Variants in ANKRD11 observed in about 807,000 individuals in gnomAD.
ANKRD11 encodes the protein ankyrin repeat domain 11, also known as ankyrin repeat domain-containing protein 11.
A neutral mutation model predicts 195.7 loss-of-function variants in ANKRD11; 17 were observed. The observed-to-expected ratio is 0.09, with a 90% CI of 0.06 to 0.13. The LOEUF (loss-of-function observed/expected upper bound fraction) is 0.13, where lower values mean the gene tolerates loss of function less well. ANKRD11 is among the 10% of genes least tolerant of loss of function. The probability of loss-of-function intolerance (pLI) is 1.00; values close to 1 mark genes in which losing one functional copy is unlikely to be tolerated. For synonymous variants in ANKRD11, 1,953 were observed against 1,528.1 expected (o/e 1.28, Z -6.49); for missense variants, 3,735 against 3,566.1 (o/e 1.05, Z -1.21).
intron 1 of ANKRD11, among the ~76,000 whole-genome samples, chr16:89,482,187 A>T (rs1442020622): frequency 6.6e-6 from 1 of 152,202 alleles, no homozygotes; most frequent in East Asian, 1.9e-4. Flanking sequence ...TAAAACATGT[A>T]GCTCCTTCCA....
At chr16:89,324,480 A>T (rs541964466) in intron 2 of ANKRD11, 2 of 456,650 alleles carry the variant, frequency 4.4e-6, no homozygotes, top group Non-Finnish European at 8.8e-6. Flanking sequence ...GGACTAAAGG[A>T]TGTGTAACTG....
Position 89,418,066 on chromosome 16 carries a change from C to G in ANKRD11, c.-60+218G>C, listed in dbSNP as rs139760674. On this transcript the variant is annotated intron_variant, in intron 2 of 12. Coordinates refer to ENST00000301030, the MANE Select transcript of ANKRD11 (RefSeq NM_013275.6). ...TAATTTTTCAGCAGATTTCTTCTCA[C>G]TGTGACACCAAGGATCCCATTCATT... 1.6e-4 allele frequency among the ~76,000 whole-genome samples: 25 copies of G among 152,354 alleles called. No homozygotes were observed. The East Asian group carries it at 4.8e-3, about 29-fold the overall frequency.
intron 2 of ANKRD11, among the ~76,000 whole-genome samples, chr16:89,346,184 G>T (rs2038929732): frequency 6.8e-6 from 1 of 147,846 alleles, no homozygotes; most frequent in Non-Finnish European, 1.5e-5. Flanking sequence ...AGGAGGTGAG[G>T]TTGTAATGAG....
At chr16:89,312,529 C>T (rs372345639) in intron 3 of ANKRD11, among the ~76,000 whole-genome samples, 8 of 152,318 alleles carry the variant, frequency 5.3e-5, no homozygotes, top group Middle Eastern at 3.4e-3. Flanking sequence ...GGAAGAGAAG[C>T]GGATCCAAGT....
At position 89,281,826 on chromosome 16, in the gene ANKRD11, G is replaced by A. The variant is rs760190551; in HGVS notation, c.4716C>T (p.Leu1572=). 11 of 1,613,986 alleles carry A rather than the reference G, an allele frequency of 6.8e-6. No individual in the cohort carries two copies. The East Asian group carries it at 1.6e-4, about 23-fold the overall frequency. Residue 1572 remains leucine (L), a synonymous_variant, in exon 9 of 13, where the codon CTC becomes CTT. Coordinates refer to ENST00000301030, the MANE Select transcript of ANKRD11 (RefSeq NM_013275.6). The surrounding 1 kb of genome is among the most constrained non-coding windows in gnomAD (Gnocchi z 5.5). Reference sequence around the variant, plus strand: ...TCATCATCAGGTCGCCGTCCCCCAGGAGCTTCTCCCTGGGCCTGGCGTCTT... The same window carrying A: ...TCATCATCAGGTCGCCGTCCCCCAGAAGCTTCTCCCTGGGCCTGGCGTCTT... ...GKKDARPREK[L]LGDGDLMMTS...
chr16:89,269,133 C>T (rs764497172), intron 12 of ANKRD11, among the ~76,000 whole-genome samples: 1 of 152,176 alleles, frequency 6.6e-6, no homozygotes, highest in African/African-American at 2.4e-5. Context: ...GAAATGGAAG[C>T]GTGGCCAGGG....
At chr16:89,278,064 T>C in intron 9 of ANKRD11, 1 of 184,038 alleles carries the variant, frequency 5.4e-6, no homozygotes, top group Non-Finnish European at 1.2e-5. Context: ...CACAACACAC[T>C]CAAGCGAGAC....
intron 2 of ANKRD11, among the ~76,000 whole-genome samples, chr16:89,385,180 G>T (rs188666019): frequency 4.0e-5 from 6 of 150,800 alleles, no homozygotes; most frequent in Admixed American, 4.0e-4. Flanking sequence ...CCGGCCTTGA[G>T]AAATGGTGTT....
intron 2 of ANKRD11, among the ~76,000 whole-genome samples, chr16:89,393,242 A>G (rs1378692659): frequency 1.3e-5 from 2 of 151,688 alleles, no homozygotes; most frequent in Admixed American, 6.6e-5. Flanking sequence ...CATGGCTCCC[A>G]CCCTGGGACC....
intron 9 of ANKRD11, among the ~76,000 whole-genome samples, chr16:89,276,537 C>T (rs1176594944): frequency 8.5e-5 from 13 of 152,194 alleles, no homozygotes; most frequent in Admixed American, 7.2e-4. Flanking sequence ...GAAGCATCAT[C>T]GCAGGCCAGG....
In ANKRD11 at chr16:89,335,940, G is replaced by A. The variant is rs151206614; in HGVS notation, c.-59-18862C>T. Among the ~76,000 whole-genome samples, 384 of 152,342 alleles carry A rather than the reference G, an allele frequency of 2.5e-3. 1 individual carries two copies. Among genetic ancestry groups the A allele is most frequent in the African/African-American group, 8.8e-3 (367 of 41,576 alleles). Reference sequence around the variant, plus strand: ...CCCTGCCTGTGCTGAGGCATCCGCCGCAAACATGACCGTGCAACATGCTTC... The same window carrying A: ...CCCTGCCTGTGCTGAGGCATCCGCCACAAACATGACCGTGCAACATGCTTC... On this transcript the variant is annotated intron_variant, in intron 2 of 12. Transcript: ENST00000301030.
intron 1 of ANKRD11, among the ~76,000 whole-genome samples, chr16:89,462,642 G>A (rs1412591744): frequency 4.0e-5 from 6 of 151,498 alleles, no homozygotes; most frequent in South Asian, 4.2e-4. Flanking sequence ...CTTCCCGGCC[G>A]CCATCACATC....
intron 2 of ANKRD11, chr16:89,395,801 G>C (rs144011709): frequency 6.6e-6 from 1 of 152,190 alleles, no homozygotes; most frequent in Admixed American, 6.5e-5. Flanking sequence ...TGCCTTCTCA[G>C]CTGGGTGACA....
At chr16:89,292,751 G>A (rs1262735976) in intron 4 of ANKRD11, among the ~76,000 whole-genome samples, 1 of 152,246 alleles carries the variant, frequency 6.6e-6, no homozygotes, top group Non-Finnish European at 1.5e-5. Flanking sequence ...GGTGGTTGGG[G>A]AGGCAGCCTC....
chr16:89,397,485 G>A (rs996140941), intron 2 of ANKRD11, among the ~76,000 whole-genome samples: 8 of 152,208 alleles, frequency 5.3e-5, no homozygotes, highest in Non-Finnish European at 1.2e-4. Context: ...GGCCTTCCCC[G>A]TGGCGGGCCT....
At chr16:89,405,062 C>A (rs1324085972) in intron 2 of ANKRD11, among the ~76,000 whole-genome samples, 1 of 152,110 alleles carries the variant, frequency 6.6e-6, no homozygotes, top group Non-Finnish European at 1.5e-5. Flanking sequence ...CACAGCCCGA[C>A]GCCCCGTCAC....
At position 89,334,167 on chromosome 16, in the gene ANKRD11, A is replaced by AAAAC. The variant is rs1555545545; in HGVS notation, c.-59-17090_-59-17089insGTTT. Among the ~76,000 whole-genome samples, 42 of 146,442 alleles carry AAAAC rather than the reference A, an allele frequency of 2.9e-4. 1 individual carries two copies. The highest frequency in any genetic ancestry group is 1.1e-3 in the African/African-American group (42 of 39,496). The stretch of plus-strand genomic sequence containing the variant: ...TTTAAAAAAAAAAAAAAAAAAAAAA[A>AAAAC]AAAAAACAGAGAGAGAGAGAAAGAA... On this transcript the variant is annotated intron_variant, in intron 2 of 12. Coordinates refer to ENST00000301030, the MANE Select transcript of ANKRD11 (RefSeq NM_013275.6).
intron 2 of ANKRD11, among the ~76,000 whole-genome samples, chr16:89,332,641 T>C (rs1238646522): frequency 6.6e-6 from 1 of 152,196 alleles, no homozygotes; most frequent in East Asian, 1.9e-4. Flanking sequence ...GTAATGGCTT[T>C]AGAAAAAAGC....
chr16:89,318,768 A>G (rs780798296), intron 2 of ANKRD11, among the ~76,000 whole-genome samples: 1 of 152,230 alleles, frequency 6.6e-6, no homozygotes, highest in Non-Finnish European at 1.5e-5. Context: ...TAACTGGTAC[A>G]AGAACACAGG....
Sources: gnomAD v4.1 joint callset for allele counts (sites outside exome capture counted in the v4.1 genomes callset) on GRCh38, gnomAD v4.1.1 for gene constraint, Gnocchi (gnomAD v3.1) non-coding constraint, MANE v1.5 for transcripts, NCBI Gene and HGNC (gene_info 2026-07-23, HGNC 2026-07-21) for gene names.